DLG2: variants seen among roughly 807,000 people sequenced by gnomAD.
DLG2 encodes the protein discs large MAGUK scaffold protein 2, also known as disks large homolog 2.
DLG2 carries 45 observed loss-of-function variants against 132.5 expected under a neutral mutation model. The ratio of observed to expected loss-of-function variants is 0.34; its 90% CI spans 0.27 to 0.44. The LOEUF is 0.44. DLG2 is among the 20% of genes least tolerant of loss of function. The probability of loss-of-function intolerance (pLI) is 1.00; values close to 1 mark genes in which losing one functional copy is unlikely to be tolerated. For missense variants in DLG2, 1,045 were observed against 1,196.9 expected (o/e 0.87, Z 1.87); for synonymous variants, 424 against 419.6 (o/e 1.01, Z -0.13).
At chr11:84,003,291 C>T (rs956063976) in intron 11 of DLG2, among the ~76,000 whole-genome samples, 2 of 152,136 alleles carry the variant, frequency 1.3e-5, no homozygotes, top group Admixed American at 6.6e-5. Context: ...TTCTTCTGAG[C>T]CCTCAAAACT....
intron 4 of DLG2, among the ~76,000 whole-genome samples, chr11:85,163,763 C>A (rs980535072): frequency 6.6e-6 from 1 of 152,116 alleles, no homozygotes; most frequent in Non-Finnish European, 1.5e-5. Context: ...CTTCTTCCAC[C>A]TTACTAACCA....
rs1265551112 is a variant in DLG2 at position 85,548,478 on chromosome 11, T to TACCCAC, written c.40+50178_40+50179insGTGGGT. 9.8e-5 allele frequency among the ~76,000 whole-genome samples: 15 copies of TACCCAC among 152,332 alleles called. 1 individual carries two copies. The highest frequency in any genetic ancestry group is 3.4e-4 in the African/African-American group (14 of 41,584). On this transcript the variant is annotated intron_variant, in intron 3 of 27. Coordinates refer to ENST00000376104, the MANE Select transcript of DLG2 (RefSeq NM_001142699.3). ...GGATACACGGGGGTCAGGGACCCACTTGAGGAGGCAGTCTGTCCCTTATCA... is the reference window on the plus strand; with the variant it reads ...GGATACACGGGGGTCAGGGACCCACTACCCACTGAGGAGGCAGTCTGTCCCTTATCA...
chr11:83,524,138 A>G (rs910315780), intron 21 of DLG2, among the ~76,000 whole-genome samples: 2 of 152,184 alleles, frequency 1.3e-5, no homozygotes, highest in African/African-American at 4.8e-5. Flanking sequence ...TTAGTACTTT[A>G]CATATATTGT....
At chr11:85,497,501 T>C (rs1160767079) in intron 3 of DLG2, among the ~76,000 whole-genome samples, 1 of 152,024 alleles carries the variant, frequency 6.6e-6, no homozygotes, top group Non-Finnish European at 1.5e-5. Flanking sequence ...TAGAAAACAC[T>C]CTTCAGGATA....
At chr11:85,378,157 T>C (rs1370225079) in intron 3 of DLG2, among the ~76,000 whole-genome samples, 1 of 152,082 alleles carries the variant, frequency 6.6e-6, no homozygotes, top group Non-Finnish European at 1.5e-5. Context: ...TTTCTCTTCC[T>C]CCAAAAGGAG....
chr11:85,052,875 A>G (rs1301861248), intron 6 of DLG2, among the ~76,000 whole-genome samples: 2 of 152,174 alleles, frequency 1.3e-5, no homozygotes, highest in African/African-American at 4.8e-5. Context: ...CTCATTGTAT[A>G]GTTCTGTGTT....
chr11:85,235,409 A>G (rs2075532381), intron 4 of DLG2, among the ~76,000 whole-genome samples: 1 of 151,980 alleles, frequency 6.6e-6, no homozygotes, highest in South Asian at 2.1e-4. Context: ...ACATTAATCC[A>G]GCTATTCACG....
intron 3 of DLG2, among the ~76,000 whole-genome samples, chr11:85,478,664 C>A (rs912542373): frequency 6.6e-6 from 1 of 152,070 alleles, no homozygotes; most frequent in Non-Finnish European, 1.5e-5. Context: ...AACTGCCTCC[C>A]ATTGTTGTTA....
chr11:84,847,323 A>G (rs2081601304), intron 6 of DLG2, among the ~76,000 whole-genome samples: 1 of 152,188 alleles, frequency 6.6e-6, no homozygotes, highest in Non-Finnish European at 1.5e-5. Context: ...AGTGTAAAGT[A>G]TGACATTATC....
At chr11:84,601,760 T>A (rs1452183270) in intron 6 of DLG2, among the ~76,000 whole-genome samples, 6 of 152,086 alleles carry the variant, frequency 3.9e-5, no homozygotes, top group African/African-American at 1.4e-4. Flanking sequence ...TTTACACAAT[T>A]GTAGTTTACA....
intron 10 of DLG2, among the ~76,000 whole-genome samples, chr11:84,097,242 T>C (rs2097177927): frequency 6.6e-6 from 1 of 152,176 alleles, no homozygotes; most frequent in Non-Finnish European, 1.5e-5. Context: ...GACCTTAGGC[T>C]TTTTATTTGG....
chr11:85,158,206 T>G (rs2077732948), intron 4 of DLG2, among the ~76,000 whole-genome samples: 1 of 152,096 alleles, frequency 6.6e-6, no homozygotes, highest in Admixed American at 6.6e-5. Context: ...GAATGGATAT[T>G]AAGGGTGTGC....
chr11:84,374,463 A>G (rs2098721121), intron 7 of DLG2, among the ~76,000 whole-genome samples: 2 of 152,214 alleles, frequency 1.3e-5, no homozygotes, highest in Admixed American at 1.3e-4. Context: ...TTCTTAAAAT[A>G]TAATGAGATT....
At chr11:84,819,340 G>C (rs2077427759) in intron 6 of DLG2, among the ~76,000 whole-genome samples, 1 of 151,872 alleles carries the variant, frequency 6.6e-6, no homozygotes, top group Admixed American at 6.6e-5. Context: ...TTAAGTCTTG[G>C]AAGCCTGCCA....
At chr11:85,143,634 T>C (rs541311533) in intron 5 of DLG2, among the ~76,000 whole-genome samples, 33 of 151,960 alleles carry the variant, frequency 2.2e-4, no homozygotes, top group South Asian at 6.2e-4. Flanking sequence ...GTTTCCATTT[T>C]CATTTGTTTC....
chr11:83,748,418 C>CT (rs2093069370), intron 18 of DLG2, among the ~76,000 whole-genome samples: 1 of 152,200 alleles, frequency 6.6e-6, no homozygotes, highest in Admixed American at 6.6e-5. Context: ...CAAGCTTTCC[C>CT]TTTCCCTGAC....
intron 7 of DLG2, among the ~76,000 whole-genome samples, chr11:84,477,653 T>A (rs558675424): frequency 1.3e-5 from 2 of 152,308 alleles, no homozygotes; most frequent in South Asian, 2.1e-4. Context: ...TTGTTTTGCT[T>A]GTTTTATTCC....
chr11:84,412,195 C>T lies in DLG2; in HGVS notation c.519+122375G>A, dbSNP rs1308056349. Reference sequence around the variant, plus strand: ...GATATCAGCAAAAATTGAAACTCTACTATGCATGTTATAGTTCATAAAAAT... The same window carrying T: ...GATATCAGCAAAAATTGAAACTCTATTATGCATGTTATAGTTCATAAAAAT... On this transcript the variant is annotated intron_variant, in intron 7 of 27. Coordinates refer to ENST00000376104, the MANE Select transcript of DLG2 (RefSeq NM_001142699.3). 2.0e-5 allele frequency among the ~76,000 whole-genome samples: 3 copies of T among 151,628 alleles called. No individual in the cohort carries two copies. The East Asian group carries it at 5.9e-4, about 30-fold the overall frequency.
chr11:84,123,019 A>G (rs2094000265), intron 9 of DLG2, among the ~76,000 whole-genome samples: 1 of 152,190 alleles, frequency 6.6e-6, no homozygotes, highest in African/African-American at 2.4e-5. Context: ...TATTGGAAAA[A>G]AAACCCCTAA....
Sources: gnomAD v4.1 joint callset for allele counts (sites outside exome capture counted in the v4.1 genomes callset) on GRCh38, gnomAD v4.1.1 for gene constraint, MANE v1.5 for transcripts, NCBI Gene and HGNC (gene_info 2026-07-23, HGNC 2026-07-21) for gene names.